The following FHIT variants were observed in gnomAD, a reference collection of about 807,000 sequenced individuals.
The protein encoded by FHIT is fragile histidine triad diadenosine triphosphatase.
A neutral mutation model predicts 17.9 loss-of-function variants in FHIT; 19 were observed. The ratio of observed to expected loss-of-function variants is 1.06; its 90% confidence interval spans 0.74 to 1.56. The LOEUF is 1.56. Ranked by LOEUF, FHIT falls within the 40% of genes most tolerant of loss-of-function variation. FHIT has a pLI of 0.00. For synonymous variants in FHIT, 81 were observed against 69.7 expected, an observed-to-expected ratio of 1.16 and a Z score of -0.81; for missense variants, 248 against 189.2, an observed-to-expected ratio of 1.31 and a Z score of -1.82.
At chr3:61,213,713 GCACCA>G (rs1211951120) in intron 1 of FHIT, among the ~76,000 whole-genome samples, 8 of 152,090 alleles carry the variant, frequency 5.3e-5, no homozygotes, top group Admixed American at 1.3e-4. Context: ...ATTTTTTTCA[GCACCA>G]CACCACACCT....
chr3:60,289,881 C>T (rs575091714), intron 5 of FHIT, among the ~76,000 whole-genome samples: 27 of 152,230 alleles, frequency 1.8e-4, no homozygotes, highest in African/African-American at 6.0e-4. Flanking sequence ...CAAAGAACTG[C>T]CATTTAGTTA....
intron 1 of FHIT, among the ~76,000 whole-genome samples, chr3:61,217,309 T>C (rs377359897): frequency 1.3e-4 from 20 of 152,286 alleles, no homozygotes; most frequent in African/African-American, 4.6e-4. Context: ...AATCATCTGA[T>C]ATCTCATGCC....
intron 4 of FHIT, among the ~76,000 whole-genome samples, chr3:60,584,555 CT>C (rs1378938904): frequency 6.6e-6 from 1 of 151,978 alleles, no homozygotes; most frequent in African/African-American, 2.4e-5. Context: ...ATGCATTCCC[CT>C]TTTATATTAA....
chr3:59,789,288 C>T (rs1021613376), intron 8 of FHIT, among the ~76,000 whole-genome samples: 4 of 152,116 alleles, frequency 2.6e-5, no homozygotes, highest in Non-Finnish European at 5.9e-5. Context: ...ATCTTTATAA[C>T]CCACATTTTT....
intron 5 of FHIT, among the ~76,000 whole-genome samples, chr3:60,288,485 G>A (rs886725334): frequency 6.6e-6 from 1 of 152,040 alleles, no homozygotes; most frequent in Non-Finnish European, 1.5e-5. Flanking sequence ...ATGACACCAT[G>A]TATTCAAAGT....
intron 5 of FHIT, among the ~76,000 whole-genome samples, chr3:60,191,098 A>AT (rs1178250070): frequency 2.0e-5 from 3 of 152,168 alleles, no homozygotes; most frequent in Non-Finnish European, 4.4e-5. Context: ...GTATCCCACA[A>AT]TTAAAAAAAT....
At chr3:60,138,877 G>A (rs1699922367) in intron 5 of FHIT, among the ~76,000 whole-genome samples, 1 of 152,060 alleles carries the variant, frequency 6.6e-6, no homozygotes, top group Admixed American at 6.6e-5. Context: ...TTATGAACAT[G>A]GATCAGAAAG....
intron 2 of FHIT, among the ~76,000 whole-genome samples, chr3:61,110,370 A>G (rs1186530894): frequency 6.6e-6 from 1 of 151,978 alleles, no homozygotes; most frequent in Admixed American, 6.6e-5. Context: ...CACATCTTCA[A>G]TGTGGCCATG....
chr3:61,185,958 A>G (rs1293139275), intron 2 of FHIT, among the ~76,000 whole-genome samples: 1 of 152,228 alleles, frequency 6.6e-6, no homozygotes, highest in Non-Finnish European at 1.5e-5. Context: ...AAATAAAGAC[A>G]TAGACTGAAC....
intron 2 of FHIT, among the ~76,000 whole-genome samples, chr3:61,043,629 G>A (rs1372845937): frequency 6.6e-6 from 1 of 152,218 alleles, no homozygotes; most frequent in Non-Finnish European, 1.5e-5. Flanking sequence ...GAAGAGAGCA[G>A]TGGTTCTCCC....
intron 5 of FHIT, among the ~76,000 whole-genome samples, chr3:60,094,130 G>C (rs1005222067): frequency 1.3e-5 from 2 of 152,114 alleles, no homozygotes; most frequent in African/African-American, 4.8e-5. Flanking sequence ...ACCCAGTGAA[G>C]TTTCTAAGAG....
chr3:61,058,267 G>C (rs11715589), intron 2 of FHIT, among the ~76,000 whole-genome samples: 79,531 of 152,020 alleles, frequency 0.52, 23,805 homozygotes, highest in Non-Finnish European at 0.69. Flanking sequence ...CTACAGCCCT[G>C]GATGATGTCT....
chr3:60,743,334 A>G (rs1217965102), intron 4 of FHIT, among the ~76,000 whole-genome samples: 2 of 152,322 alleles, frequency 1.3e-5, no homozygotes, highest in Admixed American at 6.5e-5. Context: ...CAAGGGAATG[A>G]CAGCATAGTG....
chr3:60,471,908 T>C (rs2033106459), intron 5 of FHIT, among the ~76,000 whole-genome samples: 2 of 152,166 alleles, frequency 1.3e-5, no homozygotes, highest in South Asian at 4.1e-4. Flanking sequence ...CAGAGTCATA[T>C]TTCAAATAAA....
chr3:60,049,084 C>T (rs971226245), intron 5 of FHIT, among the ~76,000 whole-genome samples: 3 of 152,142 alleles, frequency 2.0e-5, no homozygotes, highest in African/African-American at 7.2e-5. Context: ...GCTACCTCAC[C>T]CTATAGACAT....
intron 8 of FHIT, among the ~76,000 whole-genome samples, chr3:59,845,050 T>C (rs190598991): frequency 1.9e-3 from 286 of 152,264 alleles, no homozygotes; most frequent in Non-Finnish European, 3.3e-3. Flanking sequence ...CCATTTCACC[T>C]GAACTATCCA....
chr3:60,569,944 C>T (rs1451456680), intron 4 of FHIT, among the ~76,000 whole-genome samples: 1 of 151,546 alleles, frequency 6.6e-6, no homozygotes, highest in Non-Finnish European at 1.5e-5. Context: ...CCAAATGATA[C>T]AATTCAATGG....
At chr3:60,208,281 G>C (rs1249849688) in intron 5 of FHIT, among the ~76,000 whole-genome samples, 1 of 152,140 alleles carries the variant, frequency 6.6e-6, no homozygotes, top group East Asian at 1.9e-4. Context: ...TATTGAAGAA[G>C]CTTATTAAAA....
intron 2 of FHIT, among the ~76,000 whole-genome samples, chr3:61,115,260 A>G (rs887013877): frequency 6.6e-6 from 1 of 152,166 alleles, no homozygotes; most frequent in Admixed American, 6.5e-5. Context: ...CAAGATAACC[A>G]TCCTTGGACT....
Sources: allele counts gnomAD v4.1 joint callset (sites outside exome capture counted in the v4.1 genomes callset), GRCh38; gene constraint gnomAD v4.1.1; transcripts MANE v1.5; gene names NCBI Gene and HGNC (gene_info 2026-07-23, HGNC 2026-07-21).